Variants in FHOD3 observed in about 807,000 individuals in gnomAD.
FHOD3 encodes FH1/FH2 domain-containing protein 3.
Under a neutral mutation model 173.0 loss-of-function variants are expected in FHOD3, and 90 were observed. The ratio of observed to expected loss-of-function variants is 0.52; its 90% confidence interval spans 0.44 to 0.62. The LOEUF is 0.62. FHOD3 is among the 20% of genes least tolerant of loss of function. The probability of loss-of-function intolerance (pLI) is 0.00; values close to 1 mark genes in which losing one functional copy is unlikely to be tolerated. For missense variants in FHOD3, 1,945 were observed against 2,034.7 expected, an observed-to-expected ratio of 0.96 and a Z score of 0.85; for synonymous variants, 828 against 823.0, an observed-to-expected ratio of 1.01 and a Z score of -0.10.
intron 3 of FHOD3, among the ~76,000 whole-genome samples, chr18:36,447,947 C>T (rs540800536): frequency 2.6e-4 from 39 of 152,220 alleles, no homozygotes; most frequent in African/African-American, 9.4e-4. Context: ...GACCAGGAGA[C>T]AGGAGGACTG....
At chr18:36,477,463 G>A (rs896098187) in intron 3 of FHOD3, among the ~76,000 whole-genome samples, 1 of 151,752 alleles carries the variant, frequency 6.6e-6, no homozygotes, top group Non-Finnish European at 1.5e-5. Context: ...AAATGTGTGT[G>A]TGTATATAAA....
intron 10 of FHOD3, among the ~76,000 whole-genome samples, chr18:36,632,243 T>G (rs1258115317): frequency 1.3e-5 from 2 of 152,238 alleles, no homozygotes; most frequent in African/African-American, 4.8e-5. Flanking sequence ...TTTTCATAAT[T>G]TTTGTAGTAT....
chr18:36,746,573 G>A (rs570863098), intron 23 of FHOD3, among the ~76,000 whole-genome samples: 3 of 151,970 alleles, frequency 2.0e-5, no homozygotes, highest in Admixed American at 6.6e-5. Context: ...TCAACTTTAA[G>A]AGAAATATTA....
chr18:36,709,255 C>T lies in FHOD3; in HGVS notation c.2397C>T (p.Ala799=). 1 of 1,614,208 alleles carries T rather than the reference C, an allele frequency of 6.2e-7. No individual in the cohort carries two copies. The highest frequency in any genetic ancestry group is 8.5e-7 in the Non-Finnish European group (1 of 1,180,046). The change falls in exon 18 of 29, where the codon GCC becomes GCT. Residue 799 remains alanine, a synonymous_variant. Coordinates refer to ENST00000590592, the MANE Select transcript of FHOD3 (RefSeq NM_001281740.3). ...TAGAGCAAGAGCCGGAAGAAAGAGCCTCCCTCAGTGAAAAAGAGAGGCAGA... is the reference window on the plus strand; with the variant it reads ...TAGAGCAAGAGCCGGAAGAAAGAGCTTCCCTCAGTGAAAAAGAGAGGCAGA... ...QALEQEPEER[A]SLSEKERQNE...
At chr18:36,447,487 GT>G (rs1372192834) in intron 3 of FHOD3, among the ~76,000 whole-genome samples, 2 of 131,662 alleles carry the variant, frequency 1.5e-5, no homozygotes, top group African/African-American at 6.5e-5. Flanking sequence ...AGCTGGTTTT[GT>G]TTTGTTTGTT....
chr18:36,738,615 A>T (rs1024388172), intron 20 of FHOD3, among the ~76,000 whole-genome samples: 2 of 152,210 alleles, frequency 1.3e-5, no homozygotes, highest in African/African-American at 4.8e-5. Context: ...TTGTTTACGT[A>T]TAGTGTAAGG....
rs959683607 is a variant in FHOD3 at position 36,780,056 on chromosome 18, A to T, written c.*526A>T. 3.1e-6 allele frequency: 3 copies of T among 983,070 alleles called. No homozygotes were observed. Among genetic ancestry groups the T allele is most frequent in the Non-Finnish European group, 3.9e-6 (3 of 760,522 alleles). The allele number at this position is 983,070 out of a possible 1,614,324, so 60.9% of individuals were successfully genotyped here. On this transcript the variant is annotated 3_prime_UTR_variant, in exon 29 of 29. Coordinates refer to ENST00000590592, the MANE Select transcript of FHOD3 (RefSeq NM_001281740.3). ...TACTAAATAAATAGAGTTTAATGCC[A>T]TAATGAGAAACTTTTATTCTTCTGG... is the stretch of plus-strand genomic sequence containing the variant.
At chr18:36,540,739 C>T (rs780278056) in intron 5 of FHOD3, among the ~76,000 whole-genome samples, 1 of 152,142 alleles carries the variant, frequency 6.6e-6, no homozygotes, top group Non-Finnish European at 1.5e-5. Flanking sequence ...GTGGAAGTCC[C>T]TTATACCAAT....
chr18:36,769,368 G>T lies in FHOD3; in HGVS notation c.4728G>T (p.Val1576=). The T allele has an allele frequency of 6.2e-7, 1 of 1,614,158 alleles. No homozygotes were observed. The highest frequency in any genetic ancestry group is 8.5e-7 in the Non-Finnish European group (1 of 1,180,028). The change falls in exon 28 of 29, where the codon GTG becomes GTT. Residue 1576 remains valine (V), a synonymous_variant. Coordinates refer to ENST00000590592, the MANE Select transcript of FHOD3 (RefSeq NM_001281740.3). ...MDRIVKSATQ[V]PSQRVVPRER... ...GCATCGTCAAGTCAGCCACCCAAGT[G>T]CCCAGTCAGCGAGTGGTGCCGAGGG...
chr18:36,471,127 T>C (rs1260111373), intron 3 of FHOD3, among the ~76,000 whole-genome samples: 1 of 152,202 alleles, frequency 6.6e-6, no homozygotes, highest in East Asian at 1.9e-4. Context: ...GTATGCGCTT[T>C]GGAGAGGGCG....
At chr18:36,413,222 A>T (rs1358332671) in intron 3 of FHOD3, among the ~76,000 whole-genome samples, 1 of 152,212 alleles carries the variant, frequency 6.6e-6, no homozygotes, top group Non-Finnish European at 1.5e-5. Context: ...TGCCTTGGTG[A>T]TGGGTGGACA....
At chr18:36,518,545 C>T (rs956678297) in intron 5 of FHOD3, among the ~76,000 whole-genome samples, 6 of 152,194 alleles carry the variant, frequency 3.9e-5, no homozygotes, top group African/African-American at 1.2e-4. Context: ...TAAAAAATCA[C>T]TGCAGCGTAA....
At chr18:36,503,565 T>C (rs2055146737) in intron 4 of FHOD3, among the ~76,000 whole-genome samples, 1 of 152,184 alleles carries the variant, frequency 6.6e-6, no homozygotes, top group African/African-American at 2.4e-5. Flanking sequence ...CCAACAGCCA[T>C]GGTTTTGAAC....
intron 5 of FHOD3, among the ~76,000 whole-genome samples, chr18:36,549,181 T>G (rs1157324107): frequency 6.6e-6 from 1 of 152,252 alleles, no homozygotes; most frequent in Non-Finnish European, 1.5e-5. Context: ...CTAATGATGT[T>G]GAACATCTTT....
intron 6 of FHOD3, among the ~76,000 whole-genome samples, chr18:36,581,407 G>T (rs1306181030): frequency 6.6e-6 from 1 of 152,220 alleles, no homozygotes; most frequent in African/African-American, 2.4e-5. Context: ...CCCTGAGCCT[G>T]GCAAACTCTC....
intron 5 of FHOD3, among the ~76,000 whole-genome samples, chr18:36,527,199 A>G (rs1182701482): frequency 2.6e-5 from 4 of 152,084 alleles, no homozygotes; most frequent in African/African-American, 9.7e-5. Flanking sequence ...TGCCTGGTCA[A>G]CTCGTGGGCA....
chr18:36,574,399 GTC>G (rs1324015968), intron 5 of FHOD3, among the ~76,000 whole-genome samples: 2 of 151,954 alleles, frequency 1.3e-5, no homozygotes, highest in African/African-American at 2.4e-5. Flanking sequence ...CAAGTTTGTT[GTC>G]TCTCATATAA....
At chr18:36,326,554 G>A (rs1008443583) in intron 1 of FHOD3, among the ~76,000 whole-genome samples, 1 of 152,096 alleles carries the variant, frequency 6.6e-6, no homozygotes, top group Non-Finnish European at 1.5e-5. Context: ...GATCTCTTAA[G>A]CCCAGGACTT....
chr18:36,389,954 C>T (rs1227855599), intron 3 of FHOD3, among the ~76,000 whole-genome samples: 1 of 152,140 alleles, frequency 6.6e-6, no homozygotes, highest in Non-Finnish European at 1.5e-5. Context: ...TGGAGCCCTT[C>T]AGGCTGCAGA....
Sources: allele counts gnomAD v4.1 joint callset (sites outside exome capture counted in the v4.1 genomes callset), GRCh38; gene constraint gnomAD v4.1.1; transcripts MANE v1.5; gene names NCBI Gene and HGNC (gene_info 2026-07-23, HGNC 2026-07-21).